The following SPART variants were observed in gnomAD, a reference collection of about 807,000 sequenced individuals.
SPART encodes the protein spastic paraplegia 20 (Troyer syndrome).
Under a neutral mutation model 58.7 loss-of-function variants are expected in SPART, and 35 were observed. The ratio of observed to expected loss-of-function variants is 0.60; its 90% CI spans 0.46 to 0.79. The LOEUF (loss-of-function observed/expected upper bound fraction) is 0.79. Ranked by LOEUF, SPART falls within the 30% of genes least tolerant of loss-of-function variation. The pLI, the probability that SPART is intolerant of heterozygous loss-of-function variation, is 0.00. For synonymous variants in SPART, 284 were observed against 280.7 expected (o/e 1.01, Z -0.12); for missense variants, 730 against 786.1 (o/e 0.93, Z 0.85).
intron 1 of SPART, among the ~76,000 whole-genome samples, chr13:36,352,550 C>G (rs964798728): frequency 6.6e-6 from 1 of 152,074 alleles, no homozygotes; most frequent in Non-Finnish European, 1.5e-5. Flanking sequence ...CAAAATCAGA[C>G]AGATAAATGA....
intron 1 of SPART, among the ~76,000 whole-genome samples, chr13:36,352,612 A>T (rs555682067): frequency 6.6e-6 from 1 of 152,114 alleles, no homozygotes; most frequent in African/African-American, 2.4e-5. Flanking sequence ...ACAAATGAGC[A>T]AAGATTTGCA....
intron 2 of SPART, among the ~76,000 whole-genome samples, chr13:36,334,385 G>A (rs7981164): frequency 0.013 from 1,931 of 152,078 alleles, 41 homozygotes; most frequent in African/African-American, 0.044. Context: ...CCACAGTCTC[G>A]ACTTCTAAAC....
In SPART at chr13:36,312,342, A is replaced by G. The variant is rs1314594785; in HGVS notation, c.1619T>C (p.Val540Ala). 3 of 1,614,072 alleles carry G rather than the reference A, an allele frequency of 1.9e-6. No individual in the cohort carries two copies. Among genetic ancestry groups the G allele is most frequent in the South Asian group, 2.2e-5 (2 of 91,078 alleles). ...DGKSPLDGAM[V>A]VAASSVQGFS... ...ACCTTGAACACTACTTGCTGCTACA[A>G]CCATAGCACCATCCAGAGGAGATTT... The change falls in exon 7 of 9, where the codon GTT becomes GCT. Residue 540 changes from valine (V) to alanine (A), a missense_variant. By Grantham distance (64) the Val-to-Ala change is moderately conservative. Coordinates refer to ENST00000438666, the MANE Select transcript of SPART (RefSeq NM_015087.5).
chr13:36,345,325 G>A (rs1593281644), intron 1 of SPART, among the ~76,000 whole-genome samples: 1 of 152,260 alleles, frequency 6.6e-6, no homozygotes, highest in East Asian at 1.9e-4. Flanking sequence ...GTCCAATAAA[G>A]CCACCAAATT....
At chr13:36,348,963 A>C (rs1473117418), upstream of SPART, among the ~76,000 whole-genome samples, 1 of 152,152 alleles carries the variant, frequency 6.6e-6, no homozygotes, top group Non-Finnish European at 1.5e-5. Flanking sequence ...CAATTTCAAA[A>C]CTTAACTACA....
chr13:36,316,274 T>TA (rs1023372588), intron 5 of SPART, among the ~76,000 whole-genome samples: 1 of 152,214 alleles, frequency 6.6e-6, no homozygotes, highest in African/African-American at 2.4e-5. Flanking sequence ...CAGTTGTTAT[T>TA]AAAAACAGAA....
intron 1 of SPART, among the ~76,000 whole-genome samples, chr13:36,364,114 G>A (rs1222598709): frequency 6.6e-6 from 1 of 152,098 alleles, no homozygotes; most frequent in African/African-American, 2.4e-5. Context: ...ATTCTGTCCT[G>A]AACGCTATTC....
intron 1 of SPART, among the ~76,000 whole-genome samples, chr13:36,361,771 G>A (rs1323467867): frequency 6.6e-6 from 1 of 152,122 alleles, no homozygotes; most frequent in Non-Finnish European, 1.5e-5. Flanking sequence ...AGCATTTATT[G>A]CTACTATTTA....
chr13:36,337,446 G>A (rs931248354), intron 1 of SPART, among the ~76,000 whole-genome samples: 1 of 152,192 alleles, frequency 6.6e-6, no homozygotes, highest in Non-Finnish European at 1.5e-5. Context: ...CATGGGGGCA[G>A]TTTGCCCCAT....
chr13:36,322,147 T>TCA (rs1882475693), intron 5 of SPART, among the ~76,000 whole-genome samples: 1 of 152,212 alleles, frequency 6.6e-6, no homozygotes, highest in Non-Finnish European at 1.5e-5. Context: ...GCCATGTTGC[T>TCA]CACACAAAGC....
At position 36,334,947 on chromosome 13, in the gene SPART, C is replaced by T. The variant is rs1015581308; in HGVS notation, c.810+74G>A. 10 of 1,237,834 alleles carry T rather than the reference C, an allele frequency of 8.1e-6. No homozygotes were observed. In the African/African-American group the frequency reaches 1.5e-4, roughly 18 times the overall value. 76.7% of individuals were successfully genotyped at this position (1,237,834 alleles called of 1,614,324 possible). A position where few individuals can be genotyped will look rare whatever the true frequency, so the allele number is the denominator to read the frequency against. On this transcript the variant is annotated intron_variant, in intron 2 of 8. Transcript: ENST00000438666. Reference sequence around the variant, plus strand: ...TATCTTTTTGCACTTATACTGGACACATAAACATTAACAAATAAAAATGAT... The same window carrying T: ...TATCTTTTTGCACTTATACTGGACATATAAACATTAACAAATAAAAATGAT...
chr13:36,333,263 G>C (rs2137532469), intron 2 of SPART, among the ~76,000 whole-genome samples: 1 of 151,782 alleles, frequency 6.6e-6, no homozygotes, highest in African/African-American at 2.4e-5. Context: ...AAAAGTATTT[G>C]GTATTAAAAC....
chr13:36,320,941 C>T (rs1257712073), intron 5 of SPART, among the ~76,000 whole-genome samples: 1 of 152,148 alleles, frequency 6.6e-6, no homozygotes, highest in Non-Finnish European at 1.5e-5. Context: ...CCTCCATCTT[C>T]AAGAAAAGTA....
rs975516502 is a variant in SPART, at chr13:36,346,284, C to A, written c.-62G>T. The A allele has an allele frequency of 2.6e-5, 4 of 152,458 alleles. No homozygotes were observed. The highest frequency in any genetic ancestry group is 1.3e-4 in the Admixed American group (2 of 15,294). The allele number at this position is 152,458 out of a possible 1,614,324, so 9.4% of individuals were successfully genotyped here. ...CCTCGAGAGCTCCCTGCGCGGCCGC[C>A]GCGGCACGGACCAGCTCCCACTCCC... On this transcript the variant is annotated 5_prime_UTR_variant, in exon 1 of 9. Coordinates refer to ENST00000438666, the MANE Select transcript of SPART (RefSeq NM_015087.5).
intron 1 of SPART, among the ~76,000 whole-genome samples, chr13:36,359,938 A>AAAC (rs1555266130): frequency 1.5e-4 from 23 of 151,492 alleles, no homozygotes; most frequent in Admixed American, 1.2e-3. Flanking sequence ...AAAAAAAAAA[A>AAAC]AAAACACCTC....
chr13:36,369,794 A>G (rs918540759), intron 1 of SPART, among the ~76,000 whole-genome samples: 3 of 152,160 alleles, frequency 2.0e-5, no homozygotes, highest in African/African-American at 7.2e-5. Context: ...TAGAGACTTC[A>G]TGGTGTGCAA....
chr13:36,325,336 T>G (rs1882824945), intron 5 of SPART, among the ~76,000 whole-genome samples: 1 of 152,248 alleles, frequency 6.6e-6, no homozygotes, highest in Non-Finnish European at 1.5e-5. Context: ...AACTACATTT[T>G]AAAATTTGGC....
intron 5 of SPART, among the ~76,000 whole-genome samples, chr13:36,318,343 G>A (rs12561036): frequency 0.23 from 35,480 of 152,020 alleles, 4,708 homozygotes; most frequent in East Asian, 0.51. Flanking sequence ...AAATCAGATA[G>A]CGTTTAGGCT....
intron 1 of SPART, among the ~76,000 whole-genome samples, chr13:36,338,473 C>A (rs571390117): frequency 3.3e-5 from 5 of 152,280 alleles, no homozygotes; most frequent in African/African-American, 1.2e-4. Flanking sequence ...GGAATTCAAT[C>A]TTCCTATGGA....
Sources: allele counts gnomAD v4.1 joint callset (sites outside exome capture counted in the v4.1 genomes callset), GRCh38; gene constraint gnomAD v4.1.1; transcripts MANE v1.5; gene names NCBI Gene and HGNC (gene_info 2026-07-23, HGNC 2026-07-21).